Variants in CTNNBIP1 observed in about 807,000 individuals in gnomAD.
CTNNBIP1 encodes the protein beta-catenin-interacting protein 1.
CTNNBIP1 carries 7 observed loss-of-function variants against 11.8 expected under a neutral mutation model. The observed-to-expected ratio is 0.60, with a 90% CI of 0.34 to 1.12. The LOEUF is 1.12. Among genes scored for constraint, CTNNBIP1 ranks in the 50% most tolerant of loss-of-function variants. The pLI is 0.03. For synonymous variants in CTNNBIP1, 58 were observed against 43.9 expected (o/e 1.32, Z -1.26); for missense variants, 101 against 113.4 (o/e 0.89, Z 0.50).
chr1:9,893,855 A>C (rs1202845655), intron 1 of CTNNBIP1, among the ~76,000 whole-genome samples: 1 of 152,184 alleles, frequency 6.6e-6, no homozygotes, highest in East Asian at 1.9e-4. Flanking sequence ...TGCCAGAAAG[A>C]CACTAATCAT....
At chr1:9,868,426 A>G (rs910818537) in intron 5 of CTNNBIP1, among the ~76,000 whole-genome samples, 1 of 152,242 alleles carries the variant, frequency 6.6e-6, no homozygotes, top group Non-Finnish European at 1.5e-5. Context: ...AAGTGGGGTC[A>G]CTGACCTTCC....
chr1:9,875,504 C>T lies in CTNNBIP1; in HGVS notation c.-25+2401G>A, dbSNP rs114363171. 2.8e-3 allele frequency among the ~76,000 whole-genome samples: 419 copies of T among 152,348 alleles called. 1 individual carries two copies. The highest frequency in any genetic ancestry group is 9.5e-3 in the African/African-American group (394 of 41,586). On this transcript the variant is annotated intron_variant, in intron 3 of 5. Transcript: ENST00000377263. ...GTCTTCCCGGCTGGTGCAGCCTCGCCGTCCCGGGGACACCTCACACTGGGA... is the reference window on the plus strand; with the variant it reads ...GTCTTCCCGGCTGGTGCAGCCTCGCTGTCCCGGGGACACCTCACACTGGGA...
rs377665608 is a variant in CTNNBIP1, at chr1:9,881,135, A to G, written c.-110+2570T>C. On this transcript the variant is annotated intron_variant, in intron 2 of 5. Transcript: ENST00000377263. ...ACTGCAGCCTTGAACTCCCTAGCTC[A>G]AGCAATCCACCCACCTCAGCCTCCT... is the stretch of plus-strand genomic sequence containing the variant. 3.9e-5 allele frequency among the ~76,000 whole-genome samples: 6 copies of G among 151,996 alleles called. No homozygotes were observed. In the East Asian group the frequency reaches 7.7e-4, roughly 20 times the overall value.
At position 9,855,255 on chromosome 1, in the gene CTNNBIP1, CT is replaced by C. The variant is rs35112494; in HGVS notation, c.188-4480del. 5.7e-3 allele frequency among the ~76,000 whole-genome samples: 727 copies of C among 127,370 alleles called. 6 individuals carry two copies. Among genetic ancestry groups the C allele is most frequent in the Admixed American group, 0.037 (451 of 12,256 alleles). 83.6% of individuals were successfully genotyped at this position (127,370 alleles called of 152,430 possible). A position where few individuals can be genotyped will look rare whatever the true frequency, so the allele number is the denominator to read the frequency against. The stretch of plus-strand genomic sequence containing the variant: ...TTCTTGGGGAGTTTGTAAAAATTGC[CT>C]TTTTTTTTTTTTTTTTTGTAGAAAT... On this transcript the variant is annotated intron_variant, in intron 5 of 5. Transcript: ENST00000377263.
intron 1 of CTNNBIP1, among the ~76,000 whole-genome samples, chr1:9,897,237 G>C (rs995318690): frequency 1.3e-5 from 2 of 151,524 alleles, no homozygotes; most frequent in Admixed American, 6.6e-5. Context: ...GGCGGATCAC[G>C]AGGTCAGGAG....
chr1:9,868,022 C>A (rs1023965109), intron 5 of CTNNBIP1, among the ~76,000 whole-genome samples: 1 of 152,148 alleles, frequency 6.6e-6, no homozygotes, highest in East Asian at 1.9e-4. Flanking sequence ...TCGTTAGGCT[C>A]GCAAAGAAAA....
chr1:9,904,317 C>T (rs1314579139), intron 1 of CTNNBIP1, among the ~76,000 whole-genome samples: 1 of 140,282 alleles, frequency 7.1e-6, no homozygotes, highest in Non-Finnish European at 1.5e-5. Flanking sequence ...GAGCAAGTGG[C>T]ATCGTGGACA....
chr1:9,864,359 C>T (rs980669373), intron 5 of CTNNBIP1, among the ~76,000 whole-genome samples: 6 of 152,182 alleles, frequency 3.9e-5, no homozygotes, highest in South Asian at 2.1e-4. Flanking sequence ...GGCCGAGTCT[C>T]GCTCTGTCGC....
rs184904657 is a variant in CTNNBIP1 at position 9,904,652 on chromosome 1, C to G, written c.-144+5443G>C. ...GGGGTAGGAAAGCTGTCCAGTCAATCTTGGTATACTCTCAACAAAGAAACA... is the reference window on the plus strand; with the variant it reads ...GGGGTAGGAAAGCTGTCCAGTCAATGTTGGTATACTCTCAACAAAGAAACA... On this transcript the variant is annotated intron_variant, in intron 1 of 5. Coordinates refer to ENST00000377263, the MANE Select transcript of CTNNBIP1 (RefSeq NM_020248.3). Among the ~76,000 whole-genome samples, 401 of 152,222 alleles carry G rather than the reference C, an allele frequency of 2.6e-3. 1 individual carries two copies. The highest frequency in any genetic ancestry group is 4.3e-3 in the Admixed American group (65 of 15,272).
intron 1 of CTNNBIP1, among the ~76,000 whole-genome samples, chr1:9,894,925 T>TTTTGG (rs1639379635): frequency 6.7e-6 from 1 of 149,018 alleles, no homozygotes; most frequent in Non-Finnish European, 1.5e-5. Context: ...TTTTTTTTTT[T>TTTTGG]GAGACAGAGT....
chr1:9,875,359 C>T (rs1638945917), intron 3 of CTNNBIP1, among the ~76,000 whole-genome samples: 1 of 152,220 alleles, frequency 6.6e-6, no homozygotes. Context: ...CCCAGAGGAG[C>T]GTCAGTTCCA....
chr1:9,870,502 T>C (rs1449817332), intron 5 of CTNNBIP1, among the ~76,000 whole-genome samples: 2 of 152,232 alleles, frequency 1.3e-5, no homozygotes, highest in Non-Finnish European at 2.9e-5. Flanking sequence ...CCTGGCTGCA[T>C]GACCAAGTGG....
rs113416003 is a variant in CTNNBIP1, at chr1:9,867,304, T to TA, written c.187+3882dup. 0.16 allele frequency among the ~76,000 whole-genome samples: 23,596 copies of TA among 152,108 alleles called. 5,143 individuals are homozygous for TA. The highest frequency in any genetic ancestry group is 0.48 in the African/African-American group (19,926 of 41,448). On this transcript the variant is annotated intron_variant, in intron 5 of 5. Transcript: ENST00000377263. This position sits in a 1 kb window ranked among gnomAD's most constrained non-coding sequence, Gnocchi z 4.6. ...CTGCTGGAACCACCTGGTGAGCCCG[T>TA]AAGGGGAGGCCCCCACCCCAGGGTC...
intron 1 of CTNNBIP1, among the ~76,000 whole-genome samples, chr1:9,893,704 C>T (rs908556791): frequency 6.6e-6 from 1 of 152,112 alleles, no homozygotes; most frequent in Non-Finnish European, 1.5e-5. Flanking sequence ...TTGTTTAAGT[C>T]CCAGAGAACA....
intron 5 of CTNNBIP1, among the ~76,000 whole-genome samples, chr1:9,863,721 G>A (rs1282076774): frequency 6.6e-6 from 1 of 152,216 alleles, no homozygotes; most frequent in East Asian, 1.9e-4. Flanking sequence ...CAGGGCACAT[G>A]CTGACTTGGA....
Position 9,906,807 on chromosome 1 carries a change from T to C in CTNNBIP1, c.-144+3288A>G, listed in dbSNP as rs764324658. Among the ~76,000 whole-genome samples the C allele has an allele frequency of 3.5e-4, 54 of 152,174 alleles. 3 individuals carry two copies. The highest frequency in any genetic ancestry group is 1.8e-4 in the Non-Finnish European group (12 of 68,026). ...AAGACAGGGGCAGGGGCAGGAGTCT[T>C]GGTGCGATGAGATGCCCAGGCAAGT... On this transcript the variant is annotated intron_variant, in intron 1 of 5. Transcript: ENST00000377263.
chr1:9,871,781 GT>G lies in CTNNBIP1; in HGVS notation c.96+187del, dbSNP rs1386264516. On this transcript the variant is annotated intron_variant, in intron 4 of 5. Coordinates refer to ENST00000377263, the MANE Select transcript of CTNNBIP1 (RefSeq NM_020248.3). The surrounding 1 kb of genome is among the most constrained non-coding windows in gnomAD (Gnocchi z 5.2). ...GTGTCGGGTGTCCCCAGAACTTGAC[GT>G]GCTGGGCTCTGTGCCTAGGGGGCCA... Among the ~76,000 whole-genome samples, 1 of 152,102 alleles carries G rather than the reference GT, an allele frequency of 6.6e-6. No homozygotes were observed. The highest frequency in any genetic ancestry group is 2.4e-5 in the African/African-American group (1 of 41,416).
chr1:9,907,765 G>C (rs1639645594), intron 1 of CTNNBIP1, among the ~76,000 whole-genome samples: 2 of 152,168 alleles, frequency 1.3e-5, no homozygotes, highest in Non-Finnish European at 1.5e-5. Context: ...AGCTCTCCCA[G>C]AGGGAACAGA....
chr1:9,888,867 C>T (rs1332099956), intron 1 of CTNNBIP1, among the ~76,000 whole-genome samples: 1 of 152,194 alleles, frequency 6.6e-6, no homozygotes, highest in Non-Finnish European at 1.5e-5. Flanking sequence ...CTGATGAAGG[C>T]CCTTTCGGAA....
Sources: allele counts gnomAD v4.1 joint callset (sites outside exome capture counted in the v4.1 genomes callset), GRCh38; gene constraint gnomAD v4.1.1; non-coding constraint Gnocchi (gnomAD v3.1); transcripts MANE v1.5; gene names NCBI Gene and HGNC (gene_info 2026-07-23, HGNC 2026-07-21).